The following AKAP9 variants were observed in gnomAD, a reference collection of about 807,000 sequenced individuals.
The protein encoded by AKAP9 is A-kinase anchor protein 9.
AKAP9 carries 311 observed loss-of-function variants against 488.5 expected under a neutral mutation model. The observed-to-expected ratio is 0.64, with a 90% confidence interval of 0.58 to 0.70. AKAP9 has a LOEUF of 0.70. Ranked by LOEUF, AKAP9 falls within the 30% of genes least tolerant of loss-of-function variation. AKAP9 has a pLI of 0.00. For synonymous variants in AKAP9, 1,462 were observed against 1,483.5 expected (o/e 0.99, Z 0.33); for missense variants, 4,215 against 4,374.5 (o/e 0.96, Z 1.03).
chr7:91,955,342 C>T (rs1287095284), intron 1 of AKAP9, among the ~76,000 whole-genome samples: 2 of 152,190 alleles, frequency 1.3e-5, no homozygotes, highest in Admixed American at 6.5e-5. Flanking sequence ...AAGAACACCT[C>T]TATACCTATC....
chr7:92,081,474 T>G (rs1224099860), intron 31 of AKAP9, among the ~76,000 whole-genome samples: 1 of 52,514 alleles, frequency 1.9e-5, no homozygotes, highest in Non-Finnish European at 4.8e-5. Context: ...CCGGCTAATT[T>G]ATATATATAT....
rs868278096 is a variant in AKAP9 at position 92,044,387 on chromosome 7, C to T, written c.5163-621C>T. The stretch of plus-strand genomic sequence containing the variant: ...GATGTAATAAAAACGGCCTATGATA[C>T]TCTCTGTGGTGTTGACAGATAGTGA... On this transcript the variant is annotated intron_variant, in intron 20 of 49. Transcript: ENST00000356239. 4.6e-5 allele frequency among the ~76,000 whole-genome samples: 7 copies of T among 152,300 alleles called. No homozygotes were observed. The Middle Eastern group carries it at 0.014, about 296-fold the overall frequency.
intron 43 of AKAP9, 101 bp downstream of exon 43, chr7:92,098,315 A>T: frequency 1.5e-6 from 1 of 669,970 alleles, no homozygotes; most frequent in Admixed American, 2.7e-5. Context: ...CTCTTTATAG[A>T]GTTTTATTTG....
chr7:91,969,092 G>A (rs1231355651), intron 1 of AKAP9, among the ~76,000 whole-genome samples: 2 of 151,662 alleles, frequency 1.3e-5, no homozygotes, highest in Non-Finnish European at 2.9e-5. Flanking sequence ...GTGAAATCTT[G>A]TTGCCCAGGT....
At chr7:91,946,843 A>T (rs1174734035) in intron 1 of AKAP9, among the ~76,000 whole-genome samples, 1 of 152,126 alleles carries the variant, frequency 6.6e-6, no homozygotes, top group Non-Finnish European at 1.5e-5. Flanking sequence ...TGGAACAAAA[A>T]TTTTTTCAAA....
At chr7:91,955,576 G>A (rs1484312262) in intron 1 of AKAP9, among the ~76,000 whole-genome samples, 2 of 152,184 alleles carry the variant, frequency 1.3e-5, no homozygotes, top group Non-Finnish European at 2.9e-5. Flanking sequence ...ATCATGTAGA[G>A]CATGTTCACG....
At chr7:92,068,235 G>A (rs534458442) in intron 26 of AKAP9, among the ~76,000 whole-genome samples, 183 of 151,402 alleles carry the variant, frequency 1.2e-3, no homozygotes, top group African/African-American at 4.2e-3. Context: ...GCGTGGTGGC[G>A]GGCACCTGTA....
intron 38 of AKAP9, 37 bp from the exon 39 acceptor site, chr7:92,093,060 T>C: frequency 6.5e-7 from 1 of 1,549,020 alleles, no homozygotes; most frequent in Non-Finnish European, 8.9e-7. Flanking sequence ...TATGAGTTGC[T>C]TGATTATGTT....
chr7:92,026,739 C>T (rs1041064550), intron 14 of AKAP9, among the ~76,000 whole-genome samples: 1 of 152,208 alleles, frequency 6.6e-6, no homozygotes, highest in African/African-American at 2.4e-5. Context: ...ATTACAGCCT[C>T]TGCCCGGCCA....
intron 3 of AKAP9, among the ~76,000 whole-genome samples, 162 bp downstream of exon 3, chr7:91,980,495 C>CTTTTTTTTTTTTTTTTATTTT (rs1796261817): frequency 2.1e-5 from 1 of 48,756 alleles, no homozygotes; most frequent in Non-Finnish European, 3.3e-5. Flanking sequence ...GTATTACTGA[C>CTTTTTTTTTTTTTTTTATTTT]TTTTTTTTTT....
chr7:92,058,422 TAA>T (rs1186657269), intron 22 of AKAP9: 2 of 494,660 alleles, frequency 4.0e-6, no homozygotes, highest in African/African-American at 4.0e-5. Context: ...TCAGTAAGTA[TAA>T]AAAATATTCA....
At position 91,980,344 on chromosome 7, in the gene AKAP9, A is replaced by G; in HGVS notation, c.351+11A>G. On this transcript the variant is annotated intron_variant, in intron 3 of 49. Transcript: ENST00000356239. ...GACTGCAGTTCAGAGGTAAGACTAA[A>G]TTATATTGATTTCTAATATCATAAA... 7.0e-7 allele frequency: 1 copy of G among 1,424,212 alleles called. No homozygotes were observed. Among genetic ancestry groups the G allele is most frequent in the African/African-American group, 1.4e-5 (1 of 70,936 alleles). The allele number at this position is 1,424,212 out of a possible 1,614,324, so 88.2% of individuals were successfully genotyped here.
At chr7:92,022,176 C>A in intron 12 of AKAP9, 62 bp from the exon 13 acceptor site, 3 of 1,319,976 alleles carry the variant, frequency 2.3e-6, no homozygotes, top group Non-Finnish European at 2.2e-6. Flanking sequence ...TGCTTTAATA[C>A]AGCTTTCTAA....
chr7:92,096,706 T>G lies in AKAP9; in HGVS notation c.9747T>G (p.Leu3249=). 6.2e-7 allele frequency: 1 copy of G among 1,614,076 alleles called. No homozygotes were observed. The highest frequency in any genetic ancestry group is 8.5e-7 in the Non-Finnish European group (1 of 1,179,998). The change falls in exon 41 of 50, where the codon CTT becomes CTG. Residue 3249 remains leucine (L), a synonymous_variant. Coordinates refer to ENST00000356239, the MANE Select transcript of AKAP9 (RefSeq NM_005751.5). ...KEELEDLKFS[L]ESQKQRNLQL... ...CGTACCAGGATCTGAAGTTTTCACT[T>G]GAGAGTCAGAAACAAAGGAATCTTC...
intron 1 of AKAP9, among the ~76,000 whole-genome samples, chr7:91,962,124 A>G (rs997504123): frequency 2.0e-5 from 3 of 152,210 alleles, no homozygotes; most frequent in African/African-American, 7.2e-5. Flanking sequence ...AAAGTGCATC[A>G]TTTCAGTATA....
chr7:91,987,417 C>T (rs1426237723), intron 3 of AKAP9, among the ~76,000 whole-genome samples: 1 of 149,562 alleles, frequency 6.7e-6, no homozygotes, highest in African/African-American at 2.5e-5. Context: ...GAAATTCTAT[C>T]TCGAAAAAAA....
intron 10 of AKAP9, among the ~76,000 whole-genome samples, 192 bp downstream of exon 10, chr7:92,014,520 T>C (rs750398876): frequency 6.6e-6 from 1 of 152,088 alleles, no homozygotes; most frequent in Non-Finnish European, 1.5e-5. Context: ...TCCCAGCTAC[T>C]TGGGAGACTG....
chr7:92,010,392 C>T (rs889439024), intron 8 of AKAP9, among the ~76,000 whole-genome samples: 1 of 152,206 alleles, frequency 6.6e-6, no homozygotes, highest in African/African-American at 2.4e-5. Context: ...TGTGTTGACT[C>T]AAAGCCTTTG....
In AKAP9 at chr7:92,001,311, C is replaced by T. The variant is rs1170309661; in HGVS notation, c.1394C>T (p.Thr465Ile). The change falls in exon 8 of 50, where the codon ACA becomes ATA. Residue 465 changes from threonine to isoleucine, a missense_variant. Thr to Ile is a moderately conservative substitution (Grantham distance 89). Transcript: ENST00000356239. ...QHMAQMEEMK[T>I]RHKGEMENAL... Reference sequence around the variant, plus strand: ...ATGGCACAGATGGAGGAAATGAAAACACGGCATAAGGGAGAAATGGAGAAT... The same window carrying T: ...ATGGCACAGATGGAGGAAATGAAAATACGGCATAAGGGAGAAATGGAGAAT... The T allele has an allele frequency of 4.3e-6, 7 of 1,613,720 alleles. No homozygotes were observed. Among genetic ancestry groups the T allele is most frequent in the Non-Finnish European group, 5.9e-6 (7 of 1,179,858 alleles).
Sources: allele counts gnomAD v4.1 joint callset (sites outside exome capture counted in the v4.1 genomes callset), GRCh38; gene constraint gnomAD v4.1.1; transcripts MANE v1.5; gene names NCBI Gene and HGNC (gene_info 2026-07-23, HGNC 2026-07-21).